MYCBP2: variants seen among roughly 807,000 people sequenced by gnomAD.
MYCBP2 encodes the protein MYC binding protein 2, also known as E3 ubiquitin-protein ligase MYCBP2.
A neutral mutation model predicts 525.3 loss-of-function variants in MYCBP2; 120 were observed. The observed-to-expected ratio is 0.23, with a 90% confidence interval of 0.20 to 0.27. MYCBP2 has a LOEUF of 0.27. MYCBP2 is among the 10% of genes least tolerant of loss of function. MYCBP2 has a pLI of 1.00. For synonymous variants in MYCBP2, 1,894 were observed against 1,955.8 expected (o/e 0.97, Z 0.83); for missense variants, 4,149 against 5,657.1 (o/e 0.73, Z 8.55).
intron 26 of MYCBP2, among the ~76,000 whole-genome samples, chr13:77,201,806 T>C (rs1323513677): frequency 1.3e-5 from 2 of 151,892 alleles, no homozygotes; most frequent in Non-Finnish European, 2.9e-5. Context: ...GGGTACACAA[T>C]GAAATGAAGG....
At chr13:77,319,538 C>T (rs1184105062) in intron 1 of MYCBP2, among the ~76,000 whole-genome samples, 1 of 152,158 alleles carries the variant, frequency 6.6e-6, no homozygotes, top group Non-Finnish European at 1.5e-5. Context: ...AAATAAATTT[C>T]CTTTTACATT....
chr13:77,094,837 A>T (rs534237088), intron 58 of MYCBP2, among the ~76,000 whole-genome samples: 2 of 152,234 alleles, frequency 1.3e-5, no homozygotes, highest in South Asian at 4.1e-4. Flanking sequence ...CTTCTATTGT[A>T]GCACTCCTCA....
intron 55 of MYCBP2, among the ~76,000 whole-genome samples, chr13:77,108,081 G>A (rs1306286875): frequency 6.6e-6 from 1 of 152,012 alleles, no homozygotes; most frequent in Admixed American, 6.6e-5. Flanking sequence ...TAGAATGAAA[G>A]AACAACATTT....
At chr13:77,302,990 C>T (rs1443802904) in intron 1 of MYCBP2, among the ~76,000 whole-genome samples, 2 of 152,150 alleles carry the variant, frequency 1.3e-5, no homozygotes, top group African/African-American at 2.4e-5. Flanking sequence ...CTCTCTGTAA[C>T]TGATAGAACA....
intron 79 of MYCBP2, among the ~76,000 whole-genome samples, chr13:77,056,099 G>GGGGTGTGTGTGT (rs536899192): frequency 1.4e-4 from 17 of 120,594 alleles, no homozygotes; most frequent in African/African-American, 5.6e-4. Context: ...CTCTGTGTTT[G>GGGGTGTGTGTGT]GTGTGTGTGT....
intron 21 of MYCBP2, among the ~76,000 whole-genome samples, chr13:77,213,736 G>A (rs1186354442): frequency 6.6e-6 from 1 of 152,174 alleles, no homozygotes; most frequent in Non-Finnish European, 1.5e-5. Flanking sequence ...GCTGGGACTG[G>A]AGGACAATGA....
chr13:77,098,993 T>C lies in MYCBP2; in HGVS notation c.8161A>G (p.Thr2721Ala). 6.2e-7 allele frequency: 1 copy of C among 1,608,182 alleles called. No homozygotes were observed. The highest frequency in any genetic ancestry group is 8.5e-7 in the Non-Finnish European group (1 of 1,179,372). ...GATGTAGAGGCTGGTTTAGAAGATG[T>C]TGAGATGTTTCCTCGATCACCTGTA... ...NSKGDRGNIS[T>A]SSKPASTSGK... The change falls in exon 56 of 83, where the codon ACA becomes GCA. Residue 2721 changes from threonine to alanine, a missense_variant. Thr to Ala is a moderately conservative substitution (Grantham distance 58). This residue lies in a region of MYCBP2 where 653 missense variants were observed against 744.7 expected (regional missense o/e 0.88). Coordinates refer to ENST00000544440, the MANE Select transcript of MYCBP2 (RefSeq NM_015057.5).
chr13:77,235,270 T>C (rs2067741384), intron 17 of MYCBP2, among the ~76,000 whole-genome samples: 1 of 151,838 alleles, frequency 6.6e-6, no homozygotes, highest in Non-Finnish European at 1.5e-5. Context: ...TGTCCTGAAG[T>C]AAGAAAAGAT....
chr13:77,165,177 A>G, intron 42 of MYCBP2, 96 bp downstream of exon 42: 1 of 1,062,900 alleles, frequency 9.4e-7, no homozygotes. Flanking sequence ...TTTCGAATAG[A>G]GGCAACAGTA....
At chr13:77,099,106 C>T (rs1319426284) in intron 55 of MYCBP2, 93 bp from the exon 56 acceptor site, 5 of 1,474,208 alleles carry the variant, frequency 3.4e-6, no homozygotes, top group Non-Finnish European at 4.6e-6. Context: ...AACATAGCTA[C>T]AAAATTTATA....
chr13:77,241,814 A>G (rs2068879952), intron 17 of MYCBP2, among the ~76,000 whole-genome samples: 1 of 152,190 alleles, frequency 6.6e-6, no homozygotes, highest in Non-Finnish European at 1.5e-5. Context: ...TATACATTTT[A>G]CTACTTATTC....
chr13:77,131,871 T>C (rs2052928836), intron 52 of MYCBP2, among the ~76,000 whole-genome samples: 1 of 152,062 alleles, frequency 6.6e-6, no homozygotes, highest in South Asian at 2.1e-4. Context: ...TTTCATGGCG[T>C]AGAAAAGAGA....
intron 1 of MYCBP2, among the ~76,000 whole-genome samples, chr13:77,316,665 C>T (rs1160876769): frequency 2.1e-5 from 3 of 145,048 alleles, no homozygotes; most frequent in African/African-American, 7.3e-5. Context: ...CAGCCCCAGC[C>T]ACTACAGACG....
At chr13:77,056,017 G>A (rs540807086) in intron 79 of MYCBP2, among the ~76,000 whole-genome samples, 5 of 152,010 alleles carry the variant, frequency 3.3e-5, no homozygotes, top group South Asian at 2.1e-4. Context: ...TATTTCCTGC[G>A]TCTGAAATAT....
chr13:77,174,711 A>T (rs1448629104), intron 36 of MYCBP2, among the ~76,000 whole-genome samples: 1 of 150,488 alleles, frequency 6.6e-6, no homozygotes, highest in Non-Finnish European at 1.5e-5. Context: ...GAATTTAATT[A>T]ATCCTTAAAA....
chr13:77,085,735 A>C (rs1291837840), intron 62 of MYCBP2, among the ~76,000 whole-genome samples: 1 of 152,202 alleles, frequency 6.6e-6, no homozygotes, highest in Non-Finnish European at 1.5e-5. Context: ...AACCTAGGCC[A>C]GCATTCTGGA....
chr13:77,147,636 CAT>C (rs1468867463), intron 47 of MYCBP2, among the ~76,000 whole-genome samples: 1 of 152,012 alleles, frequency 6.6e-6, no homozygotes, highest in African/African-American at 2.4e-5. Context: ...AAAAGTTACA[CAT>C]GAGAAAAACG....
chr13:77,202,263 C>T (rs1270299069), intron 26 of MYCBP2, among the ~76,000 whole-genome samples: 1 of 152,202 alleles, frequency 6.6e-6, no homozygotes, highest in African/African-American at 2.4e-5. Flanking sequence ...CTACAAAATC[C>T]TCTACGCAAA....
At chr13:77,104,623 C>T (rs1327827324) in intron 55 of MYCBP2, among the ~76,000 whole-genome samples, 1 of 152,050 alleles carries the variant, frequency 6.6e-6, no homozygotes, top group South Asian at 2.1e-4. Flanking sequence ...AATTCAGCAG[C>T]CAGTAAGGCA....
Sources: gnomAD v4.1 joint callset for allele counts (sites outside exome capture counted in the v4.1 genomes callset) on GRCh38, gnomAD v4.1.1 for gene constraint, gnomAD v4.1.1 regional missense constraint, MANE v1.5 for transcripts, NCBI Gene and HGNC (gene_info 2026-07-23, HGNC 2026-07-21) for gene names.